The following BNIP3 variants were observed in gnomAD, a reference collection of about 807,000 sequenced individuals.
BNIP3 encodes BCL2/adenovirus E1B 19 kDa protein-interacting protein 3.
Under a neutral mutation model 23.9 loss-of-function variants are expected in BNIP3, and 16 were observed. The ratio of observed to expected loss-of-function variants is 0.67; its 90% CI spans 0.45 to 1.01. BNIP3 has a LOEUF of 1.01. BNIP3 is among the 50% of genes least tolerant of loss of function. The probability of loss-of-function intolerance (pLI) is 0.00; values close to 1 mark genes in which losing one functional copy is unlikely to be tolerated. For synonymous variants in BNIP3, 81 were observed against 89.3 expected, an observed-to-expected ratio of 0.91 and a Z score of 0.53; for missense variants, 198 against 248.7, an observed-to-expected ratio of 0.80 and a Z score of 1.37.
At position 131,970,515 on chromosome 10, in the gene BNIP3, T is replaced by C. The variant is rs138047945; in HGVS notation, c.539+123A>G. 1 of 1,368,296 alleles carries C rather than the reference T, an allele frequency of 7.3e-7. No homozygotes were observed. Among genetic ancestry groups the C allele is most frequent in the African/African-American group, 1.5e-5 (1 of 68,638 alleles). The allele number at this position is 1,368,296 out of a possible 1,614,324, so 84.8% of individuals were successfully genotyped here. ...TGAACAGTGACTACGTGGGTGTTTG[T>C]GAAAATGCACCAAGCTGTAACTGAT... On this transcript the variant is annotated intron_variant, in intron 5 of 5. Transcript: ENST00000368636. This position sits in a 1 kb window ranked among gnomAD's most constrained non-coding sequence, Gnocchi z 4.1.
At chr10:131,973,715 A>G (rs1254533953) in intron 2 of BNIP3, 78 bp downstream of exon 2, 12 of 1,573,278 alleles carry the variant, frequency 7.6e-6, no homozygotes, top group Non-Finnish European at 8.6e-6. Context: ...TAGAGGTGAC[A>G]CGGGCACTTC....
At chr10:131,974,795 G>A (rs1045357736) in intron 1 of BNIP3, among the ~76,000 whole-genome samples, 1 of 152,084 alleles carries the variant, frequency 6.6e-6, no homozygotes, top group Non-Finnish European at 1.5e-5. Flanking sequence ...CTGGTTCTTC[G>A]AATCTCTTAT....
Position 131,973,061 on chromosome 10 carries a change from A to G in BNIP3, c.255T>C (p.His85=). Residue 85 remains histidine (H), a synonymous_variant, in exon 3 of 6, where the codon CAT becomes CAC. Transcript: ENST00000368636. ...GTGAGCTGTTTTTCTCTCCAATGCT[A>G]TGGGTATCTGTTTCAGAAGCTCTGT... ...DTNRASETDT[H]SIGEKNSSQS... The G allele has an allele frequency of 1.2e-6, 2 of 1,613,556 alleles. No individual in the cohort carries two copies. The highest frequency in any genetic ancestry group is 2.2e-5 in the South Asian group (2 of 91,068).
intron 3 of BNIP3, chr10:131,971,481 A>C (rs1378843080): frequency 6.3e-6 from 1 of 157,652 alleles, no homozygotes; most frequent in Non-Finnish European, 1.4e-5. Flanking sequence ...GCTGCGGCCA[A>C]ATCCTCAGAA....
chr10:131,979,880 C>T (rs2037105869), intron 1 of BNIP3, among the ~76,000 whole-genome samples: 1 of 152,202 alleles, frequency 6.6e-6, no homozygotes, highest in African/African-American at 2.4e-5. Context: ...TTCTCTGTTC[C>T]GAGGTCAACA....
chr10:131,975,579 G>C (rs901595333), intron 1 of BNIP3, among the ~76,000 whole-genome samples: 4 of 152,132 alleles, frequency 2.6e-5, no homozygotes, highest in African/African-American at 9.7e-5. Flanking sequence ...CGTCATGTTC[G>C]CTGGAAGCAA....
intron 1 of BNIP3, among the ~76,000 whole-genome samples, chr10:131,974,581 T>C (rs1435813468): frequency 6.6e-6 from 1 of 152,196 alleles, no homozygotes; most frequent in Admixed American, 6.5e-5. Flanking sequence ...GGTCTCGCTA[T>C]ATTGCCCAGG....
chr10:131,972,397 AAAG>A (rs1405399325), intron 3 of BNIP3, among the ~76,000 whole-genome samples: 2 of 152,210 alleles, frequency 1.3e-5, no homozygotes, highest in Non-Finnish European at 2.9e-5. Flanking sequence ...CTTTTTTAAA[AAAG>A]AAGAAAAAGT....
intron 2 of BNIP3, chr10:131,973,428 TGACCACTGTCGGCCACTCTACCTTG>T (rs2037056733): frequency 2.1e-6 from 1 of 466,174 alleles, no homozygotes. Flanking sequence ...ACGCGACCTT[TGACCACTGTCGGCCACTCTACCTTG>T]GAGTCACTCA....
Position 131,981,770 on chromosome 10 carries a change from T to C in BNIP3, c.37A>G (p.Ser13Gly), listed in dbSNP as rs561954537. 7.5e-6 allele frequency: 11 copies of C among 1,476,270 alleles called. No individual in the cohort carries two copies. In the South Asian group the frequency reaches 1.3e-4, roughly 17 times the overall value. The allele number at this position is 1,476,270 out of a possible 1,614,324, so 91.4% of individuals were successfully genotyped here. ...GCCTCCTCCGCCTCACCCTGCAGGCTCTCCTCCTGCATCCCGGGCGCTCCG... is the reference window on the plus strand; with the variant it reads ...GCCTCCTCCGCCTCACCCTGCAGGCCCTCCTCCTGCATCCCGGGCGCTCCG... ...QNGAPGMQEE[S>G]LQGSWVELHF... Residue 13 changes from serine (S) to glycine (G), a missense_variant, in exon 1 of 6, where the codon AGC (serine) becomes GGC (glycine). Transcript: ENST00000368636.
intron 3 of BNIP3, 82 bp downstream of exon 3, chr10:131,972,952 G>A (rs970005951): frequency 1.4e-5 from 19 of 1,370,164 alleles, no homozygotes; most frequent in Non-Finnish European, 2.0e-5. Context: ...TTTCTCTGAG[G>A]TGCTCAATTA....
chr10:131,980,264 T>G (rs1430099139), intron 1 of BNIP3: 4 of 152,066 alleles, frequency 2.6e-5, no homozygotes, highest in Non-Finnish European at 5.9e-5. Flanking sequence ...AAACGCACAA[T>G]GTCAGGAGTA....
chr10:131,972,286 A>G (rs113064310), intron 3 of BNIP3, among the ~76,000 whole-genome samples: 13 of 152,318 alleles, frequency 8.5e-5, no homozygotes, highest in African/African-American at 1.2e-4. Context: ...TGGACACAGT[A>G]TCTCACACCT....
At chr10:131,979,370 G>A (rs759955084) in intron 1 of BNIP3, among the ~76,000 whole-genome samples, 8 of 152,218 alleles carry the variant, frequency 5.3e-5, no homozygotes, top group Non-Finnish European at 5.9e-5. Context: ...TGACAAGAGA[G>A]AGAACCATCT....
intron 1 of BNIP3, among the ~76,000 whole-genome samples, chr10:131,978,374 C>G (rs1452751723): frequency 6.8e-6 from 1 of 147,848 alleles, no homozygotes; most frequent in African/African-American, 2.5e-5. Context: ...CTTATTCTCA[C>G]TTTGTGTAAA....
In BNIP3 at chr10:131,970,819, G is replaced by A. The variant is rs1462128443; in HGVS notation, c.390-32C>T. The stretch of plus-strand genomic sequence containing the variant: ...CGGGAAGAAACGTGTCAGCTGATGT[G>A]TCCTCTGTCAAGGGGTGCCCCCGTG... On this transcript the variant is annotated intron_variant, in intron 4 of 5. Transcript: ENST00000368636. The surrounding 1 kb of genome is among the most constrained non-coding windows in gnomAD (Gnocchi z 4.1). 1 of 1,614,218 alleles carries A rather than the reference G, an allele frequency of 6.2e-7. No individual in the cohort carries two copies. The highest frequency in any genetic ancestry group is 1.1e-5 in the South Asian group (1 of 91,090).
intron 1 of BNIP3, 75 bp from the exon 2 acceptor site, chr10:131,974,018 C>A: frequency 6.4e-7 from 1 of 1,573,422 alleles, no homozygotes; most frequent in South Asian, 1.1e-5. Context: ...ATCTAACCAG[C>A]CTGCCCTTCC....
chr10:131,971,187 G>A, intron 3 of BNIP3: 1 of 566,440 alleles, frequency 1.8e-6, no homozygotes. Flanking sequence ...CGCCTCCAGG[G>A]ACAGATCACC....
At chr10:131,975,895 G>A (rs558029209) in intron 1 of BNIP3, among the ~76,000 whole-genome samples, 12 of 152,272 alleles carry the variant, frequency 7.9e-5, no homozygotes, top group Admixed American at 5.2e-4. Context: ...GGTCTGTCTC[G>A]GAGCCTGGAG....
Sources: allele counts gnomAD v4.1 joint callset (sites outside exome capture counted in the v4.1 genomes callset), GRCh38; gene constraint gnomAD v4.1.1; non-coding constraint Gnocchi (gnomAD v3.1); transcripts MANE v1.5; gene names NCBI Gene and HGNC (gene_info 2026-07-23, HGNC 2026-07-21).